Variants in NCOA2 observed in about 807,000 individuals in gnomAD.
NCOA2 encodes the protein class E basic helix-loop-helix protein 75.
Under a neutral mutation model 145.1 loss-of-function variants are expected in NCOA2, and 21 were observed. That is an observed-to-expected ratio of 0.14 (90% CI 0.10 to 0.21). NCOA2 has a LOEUF of 0.21. NCOA2 is among the 10% of genes least tolerant of loss of function. The pLI, the probability that NCOA2 is intolerant of heterozygous loss-of-function variation, is 1.00. For synonymous variants in NCOA2, 619 were observed against 637.5 expected, an observed-to-expected ratio of 0.97 and a Z score of 0.44; for missense variants, 1,472 against 1,837.6, an observed-to-expected ratio of 0.80 and a Z score of 3.64.
intron 18 of NCOA2, among the ~76,000 whole-genome samples, chr8:70,128,175 G>A (rs1284239200): frequency 1.3e-5 from 2 of 152,346 alleles, no homozygotes; most frequent in South Asian, 2.1e-4. Context: ...ATAGTTGGCT[G>A]TTCTCTAATT....
At chr8:70,401,568 C>T (rs1298558508) in intron 1 of NCOA2, among the ~76,000 whole-genome samples, 1 of 151,722 alleles carries the variant, frequency 6.6e-6, no homozygotes, top group Non-Finnish European at 1.5e-5. Context: ...TTAATGACAT[C>T]CCCAATGCCG....
chr8:70,359,319 A>G (rs973583230), intron 1 of NCOA2, among the ~76,000 whole-genome samples: 6 of 152,242 alleles, frequency 3.9e-5, no homozygotes, highest in Non-Finnish European at 8.8e-5. Flanking sequence ...AGCAACAGCC[A>G]AAATGTCGAT....
chr8:70,447,820 G>C, the NCOA2 span, among the ~76,000 whole-genome samples: 2 of 151,508 alleles, frequency 1.3e-5, no homozygotes, highest in Non-Finnish European at 2.9e-5. Flanking sequence ...GAGTCGTTAG[G>C]ACTACAGGAG....
intron 11 of NCOA2, among the ~76,000 whole-genome samples, chr8:70,150,805 T>C (rs1238058783): frequency 2.6e-5 from 4 of 152,210 alleles, no homozygotes; most frequent in African/African-American, 9.6e-5. Context: ...AACACGATGA[T>C]TTCTTTTAAT....
chr8:70,448,605 A>C, the NCOA2 span, among the ~76,000 whole-genome samples: 1 of 152,208 alleles, frequency 6.6e-6, no homozygotes, highest in African/African-American at 2.4e-5. Flanking sequence ...GAAATAAGGA[A>C]AAAAACAACA....
intron 4 of NCOA2, among the ~76,000 whole-genome samples, chr8:70,183,520 C>A (rs116723554): frequency 6.6e-6 from 1 of 152,154 alleles, no homozygotes. Context: ...TGTTTATTAG[C>A]GCAGTAAACC....
At chr8:70,392,603 T>G (rs558359732) in intron 1 of NCOA2, among the ~76,000 whole-genome samples, 2 of 151,794 alleles carry the variant, frequency 1.3e-5, no homozygotes, top group South Asian at 4.1e-4. Flanking sequence ...CTTCATTCTC[T>G]TTTTTTATCA....
intron 2 of NCOA2, among the ~76,000 whole-genome samples, chr8:70,295,185 C>T (rs16936888): frequency 0.015 from 2,307 of 152,196 alleles, 76 homozygotes; most frequent in African/African-American, 0.053. Flanking sequence ...TTATGCCTAC[C>T]GCTACCTTTG....
intron 4 of NCOA2, among the ~76,000 whole-genome samples, chr8:70,197,947 C>A (rs1168272117): frequency 6.6e-6 from 1 of 151,910 alleles, no homozygotes; most frequent in Non-Finnish European, 1.5e-5. Flanking sequence ...TACAGGCACA[C>A]ACCACCATGC....
At chr8:70,258,098 G>A (rs74645226) in intron 2 of NCOA2, among the ~76,000 whole-genome samples, 2,269 of 152,056 alleles carry the variant, frequency 0.015, 59 homozygotes, top group African/African-American at 0.053. Context: ...TATATTTTTT[G>A]TACAGATAGG....
chr8:70,154,990 C>T (rs988824723), intron 11 of NCOA2, among the ~76,000 whole-genome samples: 2 of 152,178 alleles, frequency 1.3e-5, no homozygotes, highest in Non-Finnish European at 2.9e-5. Flanking sequence ...CTTGGTCTAG[C>T]CATTCCAGGA....
intron 3 of NCOA2, among the ~76,000 whole-genome samples, chr8:70,214,319 T>C (rs1270195295): frequency 1.3e-5 from 2 of 152,192 alleles, no homozygotes; most frequent in Non-Finnish European, 2.9e-5. Context: ...CACTGGACTG[T>C]CCACTTCACA....
intron 1 of NCOA2, among the ~76,000 whole-genome samples, chr8:70,309,676 C>A (rs946295353): frequency 6.6e-6 from 1 of 151,994 alleles, no homozygotes; most frequent in Non-Finnish European, 1.5e-5. Context: ...CTTGGCCAAG[C>A]GCAGTAGCAA....
intron 2 of NCOA2, among the ~76,000 whole-genome samples, chr8:70,272,506 G>C (rs918663242): frequency 1.3e-5 from 2 of 152,112 alleles, no homozygotes; most frequent in Non-Finnish European, 1.5e-5. Context: ...AATTTTAAGA[G>C]GCTAATTTTT....
intron 4 of NCOA2, among the ~76,000 whole-genome samples, chr8:70,185,478 G>T (rs890402136): frequency 6.6e-6 from 1 of 152,184 alleles, no homozygotes; most frequent in East Asian, 1.9e-4. Flanking sequence ...GGCACAGGGA[G>T]AATGGGGCTG....
At chr8:70,328,347 A>G (rs1298171053) in intron 1 of NCOA2, among the ~76,000 whole-genome samples, 4 of 152,216 alleles carry the variant, frequency 2.6e-5, no homozygotes, top group Non-Finnish European at 5.9e-5. Flanking sequence ...CAGTTCTTCT[A>G]CAAGACAATT....
the NCOA2 span, among the ~76,000 whole-genome samples, chr8:70,441,706 A>G: frequency 6.6e-6 from 1 of 150,712 alleles, no homozygotes; most frequent in African/African-American, 2.4e-5. Flanking sequence ...AAGAAAAGAA[A>G]AAGAAAGAAA....
At chr8:70,157,345 G>C in intron 10 of NCOA2, 105 bp from the exon 11 acceptor site, 1 of 1,014,472 alleles carries the variant, frequency 9.9e-7, no homozygotes, top group African/African-American at 1.6e-5. Context: ...AAAAGAACAG[G>C]CTACATTTTA....
chr8:70,452,929 A>T, the NCOA2 span, among the ~76,000 whole-genome samples: 1 of 152,206 alleles, frequency 6.6e-6, no homozygotes, highest in East Asian at 1.9e-4. Context: ...TTCTTTCAAG[A>T]CCTAGTTCTT....
Sources: gnomAD v4.1 joint callset for allele counts (sites outside exome capture counted in the v4.1 genomes callset) on GRCh38, gnomAD v4.1.1 for gene constraint, MANE v1.5 for transcripts, NCBI Gene and HGNC (gene_info 2026-07-23, HGNC 2026-07-21) for gene names.